EZH2: variants seen among roughly 807,000 people sequenced by gnomAD.
EZH2 encodes the protein enhancer of zeste 2 polycomb repressive complex 2 subunit.
In EZH2, 18 loss-of-function variants were observed where a neutral mutation model predicts 98.4. That is an observed-to-expected ratio of 0.18 (90% CI 0.13 to 0.27). The LOEUF (loss-of-function observed/expected upper bound fraction) is 0.27. Ranked by LOEUF, EZH2 falls within the 10% of genes least tolerant of loss-of-function variation. The pLI is 1.00. For missense variants in EZH2, 470 were observed against 935.1 expected (o/e 0.50, Z 6.49); for synonymous variants, 338 against 312.3 (o/e 1.08, Z -0.87).
At chr7:148,829,893 T>G in intron 4 of EZH2, 45 bp from the exon 5 acceptor site, 1 of 1,426,076 alleles carries the variant, frequency 7.0e-7, no homozygotes, top group Non-Finnish European at 9.5e-7. Context: ...ACTCTAAGTA[T>G]CAAATGTGAA....
chr7:148,817,877 C>G lies in EZH2; in HGVS notation c.1240G>C (p.Glu414Gln). 1 of 1,614,156 alleles carries G rather than the reference C, an allele frequency of 6.2e-7. No homozygotes were observed. The change falls in exon 10 of 20, where the codon GAA becomes CAA. Residue 414 changes from glutamate (E) to glutamine (Q), a missense_variant and splice_region_variant. Glu to Gln is a conservative substitution (Grantham distance 29). This residue lies in a region of EZH2 where 192 missense variants were observed against 306.8 expected (regional missense o/e 0.63). Coordinates refer to ENST00000320356, the MANE Select transcript of EZH2 (RefSeq NM_004456.5). ...EKKDETSSSS[E>Q]ANSRCQTPIK... Reference sequence around the variant, plus strand: ...AACCCAGTTATTAGACGTGTCTTACCAGAGGAGCTCGAAGTTTCATCTTTC... The same window carrying G: ...AACCCAGTTATTAGACGTGTCTTACGAGAGGAGCTCGAAGTTTCATCTTTC...
chr7:148,856,127 T>G (rs1041776919), intron 1 of EZH2, among the ~76,000 whole-genome samples: 10 of 152,110 alleles, frequency 6.6e-5, no homozygotes, highest in Non-Finnish European at 1.5e-4. Flanking sequence ...TGAGATAATC[T>G]CATGGAAGGA....
intron 1 of EZH2, among the ~76,000 whole-genome samples, chr7:148,862,680 A>G (rs1817862115): frequency 6.6e-6 from 1 of 152,220 alleles, no homozygotes. Flanking sequence ...AACATACCTC[A>G]ATATGCAGCA....
intron 14 of EZH2, 152 bp downstream of exon 14, chr7:148,814,762 C>T: frequency 1.1e-6 from 1 of 909,658 alleles, no homozygotes; most frequent in East Asian, 2.8e-5. Flanking sequence ...GGCACAGGGC[C>T]AGGTATGGGG....
intron 1 of EZH2, among the ~76,000 whole-genome samples, chr7:148,877,948 G>A (rs1401498858): frequency 2.0e-5 from 3 of 152,092 alleles, no homozygotes; most frequent in Non-Finnish European, 2.9e-5. Context: ...TTTGGATCCC[G>A]AATGCAAATT....
At chr7:148,813,565 T>C (rs1456430830) in intron 15 of EZH2, among the ~76,000 whole-genome samples, 3 of 151,956 alleles carry the variant, frequency 2.0e-5, no homozygotes, top group Non-Finnish European at 4.4e-5. Flanking sequence ...AATCTATAAA[T>C]ACTCTTTGAT....
chr7:148,872,395 G>C (rs1241242683), intron 1 of EZH2, among the ~76,000 whole-genome samples: 1 of 152,140 alleles, frequency 6.6e-6, no homozygotes, highest in Admixed American at 6.5e-5. Context: ...AGACAAAAAA[G>C]TTCTAGAGAT....
intron 14 of EZH2, 66 bp from the exon 15 acceptor site, chr7:148,814,203 G>T: frequency 6.8e-7 from 1 of 1,477,012 alleles, no homozygotes; most frequent in Non-Finnish European, 9.3e-7. Flanking sequence ...AAAGATACGT[G>T]GCAAGGGCTG....
intron 17 of EZH2, 54 bp downstream of exon 17, chr7:148,810,279 G>A (rs1234147528): frequency 7.3e-7 from 1 of 1,362,194 alleles, no homozygotes; most frequent in African/African-American, 1.4e-5. Flanking sequence ...TCGGCCGGCA[G>A]AAGGCTGCCA....
chr7:148,881,444 C>A (rs1264230265), intron 1 of EZH2, among the ~76,000 whole-genome samples: 1 of 152,164 alleles, frequency 6.6e-6, no homozygotes, highest in Non-Finnish European at 1.5e-5. Context: ...AGAACTTTTT[C>A]TAACTACACT....
At chr7:148,809,412 C>T in intron 17 of EZH2, 22 bp from the exon 18 acceptor site, 1 of 1,566,536 alleles carries the variant, frequency 6.4e-7, no homozygotes, top group Non-Finnish European at 8.8e-7. Flanking sequence ...AAAGTAAGCA[C>T]AGCCCAGTGA....
At chr7:148,832,810 C>T in intron 3 of EZH2, 60 bp from the exon 4 acceptor site, 1 of 1,082,898 alleles carries the variant, frequency 9.2e-7, no homozygotes, top group Non-Finnish European at 1.4e-6. Context: ...AAGCTGTAGC[C>T]ATCATATTGT....
intron 1 of EZH2, among the ~76,000 whole-genome samples, chr7:148,847,957 C>G (rs955175440): frequency 7.2e-5 from 11 of 152,152 alleles, no homozygotes; most frequent in African/African-American, 2.4e-4. Context: ...ATTCTTCTGC[C>G]TTATCTTTAG....
At chr7:148,847,030 C>T in intron 2 of EZH2, 152 bp downstream of exon 2, 1 of 886,058 alleles carries the variant, frequency 1.1e-6, no homozygotes. Flanking sequence ...AATGTTAAGA[C>T]AGATCAAGAA....
intron 1 of EZH2, among the ~76,000 whole-genome samples, chr7:148,848,705 A>C (rs921999204): frequency 6.6e-6 from 1 of 152,224 alleles, no homozygotes; most frequent in African/African-American, 2.4e-5. Context: ...ACTTGAATAA[A>C]ATGAATATAC....
intron 1 of EZH2, among the ~76,000 whole-genome samples, chr7:148,862,375 T>C (rs1419631546): frequency 6.6e-6 from 1 of 152,190 alleles, no homozygotes; most frequent in Non-Finnish European, 1.5e-5. Flanking sequence ...ATTAATCTCA[T>C]CAGAAAGTCT....
rs1375274910 is a variant in EZH2 at position 148,809,100 on chromosome 7, C to G, written c.2166G>C (p.Gln722His). Residue 722 changes from glutamine to histidine, a missense_variant, in exon 19 of 20, where the codon CAG becomes CAC. Physicochemically the swap from Gln to His is conservative, Grantham distance 24. Around this residue, in one of 6 missense-constraint regions of EZH2, gnomAD observed 106 missense variants for 327.2 expected, o/e 0.32. Coordinates refer to ENST00000320356, the MANE Select transcript of EZH2 (RefSeq NM_004456.5). ...AATCAAAAAACAGCTCTTCGCCAGT[C>G]TGGATGGCTCTCTTGGCAAAAATAC... The part of the protein sequence containing the change: ...RIGIFAKRAI[Q>H]TGEELFFDYR... 1.2e-6 allele frequency: 2 copies of G among 1,614,082 alleles called. No homozygotes were observed. The highest frequency in any genetic ancestry group is 1.7e-6 in the Non-Finnish European group (2 of 1,180,040).
chr7:148,862,251 T>C (rs1389281510), intron 1 of EZH2, among the ~76,000 whole-genome samples: 1 of 152,230 alleles, frequency 6.6e-6, no homozygotes, highest in Non-Finnish European at 1.5e-5. Flanking sequence ...AATGAATCTT[T>C]AACTCAGGCA....
chr7:148,870,819 C>T (rs945517116), intron 1 of EZH2, among the ~76,000 whole-genome samples: 1 of 151,702 alleles, frequency 6.6e-6, no homozygotes, highest in Admixed American at 6.6e-5. Flanking sequence ...ATACCAACTA[C>T]TCAGGAGGCT....
Sources: allele counts gnomAD v4.1 joint callset (sites outside exome capture counted in the v4.1 genomes callset), GRCh38; gene constraint gnomAD v4.1.1; regional missense constraint gnomAD v4.1.1; transcripts MANE v1.5; gene names NCBI Gene and HGNC (gene_info 2026-07-23, HGNC 2026-07-21).